The following MTARC1 variants were observed in gnomAD, a reference collection of about 807,000 sequenced individuals.
MTARC1 encodes the protein mitochondrial amidoxime reducing component 1.
A neutral mutation model predicts 33.6 loss-of-function variants in MTARC1; 24 were observed. The ratio of observed to expected loss-of-function variants is 0.72; its 90% CI spans 0.52 to 1.01. The LOEUF is 1.01. Ranked by LOEUF, MTARC1 falls within the 50% of genes least tolerant of loss-of-function variation. The pLI is 0.00. For missense variants in MTARC1, 417 were observed against 445.7 expected (o/e 0.94, Z 0.58); for synonymous variants, 187 against 189.5 (o/e 0.99, Z 0.11).
intron 4 of MTARC1, chr1:220,798,815 C>G: frequency 4.1e-6 from 4 of 978,346 alleles, no homozygotes; most frequent in Non-Finnish European, 4.9e-6. Flanking sequence ...TACGTCTGCC[C>G]ATTTCCTCCA....
rs1673228345 is a variant in MTARC1, at chr1:220,814,246, A to G, written c.*828A>G. The G allele has an allele frequency of 6.6e-6, 1 of 152,234 alleles. No individual in the cohort carries two copies. The highest frequency in any genetic ancestry group is 2.1e-4 in the South Asian group (1 of 4,830). The allele number at this position is 152,234 out of a possible 1,614,324, so 9.4% of individuals were successfully genotyped here. On this transcript the variant is annotated 3_prime_UTR_variant, in exon 7 of 7. Transcript: ENST00000366910. The stretch of plus-strand genomic sequence containing the variant: ...GCATATGTCAGTTGTTTAAAACCCA[A>G]TATCTATTTTTTAACTGATTGTATA...
intron 2 of MTARC1, among the ~76,000 whole-genome samples, chr1:220,792,660 A>T (rs1571663953): frequency 6.6e-6 from 1 of 151,950 alleles, no homozygotes; most frequent in South Asian, 2.1e-4. Flanking sequence ...AAGAAAAAAA[A>T]AAAAAAGAAA....
chr1:220,799,302 C>T (rs1177467366), intron 4 of MTARC1: 1 of 496,348 alleles, frequency 2.0e-6, no homozygotes, highest in South Asian at 8.6e-5. Context: ...GTGCATGTCC[C>T]CCAAGGTCCT....
chr1:220,799,152 T>G, intron 4 of MTARC1: 6 of 985,374 alleles, frequency 6.1e-6, no homozygotes, highest in Non-Finnish European at 7.2e-6. Flanking sequence ...AAAAGCAATA[T>G]CAATCGATGG....
chr1:220,817,627 T>C lies in MTARC1; in HGVS notation c.*4209T>C, dbSNP rs1673308264. The C allele has an allele frequency of 6.6e-6, 1 of 151,760 alleles. No individual in the cohort carries two copies. The highest frequency in any genetic ancestry group is 1.5e-5 in the Non-Finnish European group (1 of 67,986). 9.4% of individuals were successfully genotyped at this position (151,760 alleles called of 1,614,324 possible). ...AATCCTTTAGCTAGACACAGAACAC[T>C]GACTGGTGCATTTATAATCCTCTAG... On this transcript the variant is annotated 3_prime_UTR_variant, in exon 7 of 7. Transcript: ENST00000366910.
chr1:220,794,538 C>CTTTTTTTTTTTTTTT (rs59339230), intron 2 of MTARC1, among the ~76,000 whole-genome samples: 1 of 146,010 alleles, frequency 6.8e-6, no homozygotes. Flanking sequence ...ACGATAGGAT[C>CTTTTTTTTTTTTTTT]TTTTTTTTTT....
chr1:220,789,201 G>C (rs181371733), intron 1 of MTARC1, among the ~76,000 whole-genome samples: 2 of 151,788 alleles, frequency 1.3e-5, no homozygotes, highest in African/African-American at 4.9e-5. Context: ...AGCTTGAGCT[G>C]AAAACTGGAA....
At chr1:220,806,360 A>G (rs1355134438) in intron 6 of MTARC1, among the ~76,000 whole-genome samples, 1 of 152,140 alleles carries the variant, frequency 6.6e-6, no homozygotes. Flanking sequence ...TTTGGTCCTG[A>G]CTTGGCCTCC....
Position 220,818,893 on chromosome 1 carries a change from A to T in MTARC1, c.*5475A>T, listed in dbSNP as rs1673330287. ...CCAGGACGGCCGAGGACAGCTGGAG[A>T]GCTCTTCGTTGCAGGCAGCTCTGGT... On this transcript the variant is annotated 3_prime_UTR_variant, in exon 7 of 7. Coordinates refer to ENST00000366910, the MANE Select transcript of MTARC1 (RefSeq NM_022746.4). The T allele has an allele frequency of 2.6e-5, 4 of 152,190 alleles. No individual in the cohort carries two copies. The highest frequency in any genetic ancestry group is 2.6e-4 in the Admixed American group (4 of 15,282). 9.4% of individuals were successfully genotyped at this position (152,190 alleles called of 1,614,324 possible).
At chr1:220,808,972 G>C in intron 6 of MTARC1, 1 of 448,818 alleles carries the variant, frequency 2.2e-6, no homozygotes, top group Non-Finnish European at 4.5e-6. Context: ...TTACTGCATG[G>C]GTACTCAAAA....
intron 2 of MTARC1, chr1:220,793,592 G>A (rs1306540199): frequency 6.6e-6 from 1 of 152,136 alleles, no homozygotes; most frequent in Non-Finnish European, 1.5e-5. Flanking sequence ...GAGTTCTTGG[G>A]GCGCTGGGGT....
intron 4 of MTARC1, chr1:220,798,946 G>T (rs1571670964): frequency 3.7e-5 from 36 of 985,338 alleles, no homozygotes; most frequent in South Asian, 2.3e-4. Flanking sequence ...AATAATCTAA[G>T]AATTTGATTC....
At chr1:220,807,139 C>CAA (rs1046006534) in intron 6 of MTARC1, among the ~76,000 whole-genome samples, 1 of 144,176 alleles carries the variant, frequency 6.9e-6, no homozygotes, top group African/African-American at 2.6e-5. Context: ...ACTTTCACCT[C>CAA]AAAAAAAAAA....
In MTARC1 at chr1:220,814,725, A is replaced by G. The variant is rs1673239016; in HGVS notation, c.*1307A>G. 6.6e-6 allele frequency: 1 copy of G among 152,026 alleles called. No homozygotes were observed. The highest frequency in any genetic ancestry group is 1.5e-5 in the Non-Finnish European group (1 of 68,062). 9.4% of individuals were successfully genotyped at this position (152,026 alleles called of 1,614,324 possible). On this transcript the variant is annotated 3_prime_UTR_variant, in exon 7 of 7. Transcript: ENST00000366910. ...CACTACACTCCAGCCTGAGTGATAG[A>G]GTGAGACCCTATCTCTAAAAAAGAA...
rs76306197 is a variant in MTARC1 at position 220,806,486 on chromosome 1, C to T, written c.887+1212C>T. 8.9e-3 allele frequency among the ~76,000 whole-genome samples: 1,352 copies of T among 152,302 alleles called. 7 individuals carry two copies. Among genetic ancestry groups the T allele is most frequent in the Non-Finnish European group, 0.012 (801 of 68,034 alleles). ...ACGAGCGCATGACAGAGAGGTTGCT[C>T]TAGGCTTTGTGGAGCAGGACTCATT... On this transcript the variant is annotated intron_variant, in intron 6 of 6. Transcript: ENST00000366910.
At chr1:220,802,891 C>T (rs186068836) in intron 4 of MTARC1, among the ~76,000 whole-genome samples, 4 of 152,294 alleles carry the variant, frequency 2.6e-5, no homozygotes, top group South Asian at 2.1e-4. Context: ...TGATCTCTCC[C>T]GCTCTAAAAG....
At chr1:220,789,714 T>C (rs890565379) in intron 1 of MTARC1, among the ~76,000 whole-genome samples, 8 of 152,218 alleles carry the variant, frequency 5.3e-5, no homozygotes, top group Non-Finnish European at 8.8e-5. Flanking sequence ...ATACACACAA[T>C]GGAATATTAT....
chr1:220,807,278 T>A (rs1488055465), intron 6 of MTARC1, among the ~76,000 whole-genome samples: 1 of 152,084 alleles, frequency 6.6e-6, no homozygotes, highest in African/African-American at 2.4e-5. Flanking sequence ...TAGATACATG[T>A]GTGATAAAGA....
At chr1:220,799,111 C>G (rs946416838) in intron 4 of MTARC1, 1 of 985,212 alleles carries the variant, frequency 1.0e-6, no homozygotes, top group Non-Finnish European at 1.2e-6. Flanking sequence ...GTTGAAGGGT[C>G]AGTTTGGATA....
Sources: allele counts gnomAD v4.1 joint callset (sites outside exome capture counted in the v4.1 genomes callset), GRCh38; gene constraint gnomAD v4.1.1; transcripts MANE v1.5; gene names NCBI Gene and HGNC (gene_info 2026-07-23, HGNC 2026-07-21).